RAP1GDS1: variants seen among roughly 807,000 people sequenced by gnomAD.
RAP1GDS1 encodes the protein RAP1, GTP-GDP dissociation stimulator 1.
RAP1GDS1 carries 35 observed loss-of-function variants against 71.1 expected under a neutral mutation model. The ratio of observed to expected loss-of-function variants is 0.49; its 90% confidence interval spans 0.38 to 0.65. The LOEUF (loss-of-function observed/expected upper bound fraction) is 0.65, where lower values mean the gene tolerates loss of function less well. Among genes scored for constraint, RAP1GDS1 ranks in the 30% least tolerant of loss-of-function variants. The pLI is 0.00. For missense variants in RAP1GDS1, 663 were observed against 706.1 expected (o/e 0.94, Z 0.69); for synonymous variants, 229 against 243.1 (o/e 0.94, Z 0.54).
At chr4:98,388,931 CTATTA>C (rs1471013894) in intron 5 of RAP1GDS1, among the ~76,000 whole-genome samples, 1 of 140,864 alleles carries the variant, frequency 7.1e-6, no homozygotes, top group Non-Finnish European at 1.5e-5. Flanking sequence ...AATAAGAAAC[CTATTA>C]TATGTTAACA....
chr4:98,342,180 A>G (rs1196367594), intron 2 of RAP1GDS1, among the ~76,000 whole-genome samples: 1 of 152,156 alleles, frequency 6.6e-6, no homozygotes, highest in African/African-American at 2.4e-5. Flanking sequence ...CTCAAATTAT[A>G]AAAAATGATT....
At chr4:98,403,410 T>C (rs879287090) in intron 6 of RAP1GDS1, among the ~76,000 whole-genome samples, 8 of 152,184 alleles carry the variant, frequency 5.3e-5, no homozygotes, top group Non-Finnish European at 1.0e-4. Context: ...AGTTGAGTGA[T>C]AATAAATGAG....
chr4:98,352,524 T>C lies in RAP1GDS1; in HGVS notation c.284T>C (p.Val95Ala). ...CVDAGLISPLVQLLNSKDQEV... is the reference protein window; with the variant it reads ...CVDAGLISPLAQLLNSKDQEV... Reference sequence around the variant, plus strand: ...GATGCTGGATTGATTTCACCACTGGTGCAGCTGCTAAATAGCAAAGACCAG... The same window carrying C: ...GATGCTGGATTGATTTCACCACTGGCGCAGCTGCTAAATAGCAAAGACCAG... The change falls in exon 4 of 15, where the codon GTG (valine) becomes GCG (alanine). Residue 95 changes from valine (V) to alanine (A), a missense_variant. Val to Ala is a moderately conservative substitution (Grantham distance 64). Transcript: ENST00000408927. The C allele has an allele frequency of 6.2e-7, 1 of 1,614,056 alleles. No homozygotes were observed. The highest frequency in any genetic ancestry group is 8.5e-7 in the Non-Finnish European group (1 of 1,179,922).
chr4:98,334,965 C>A (rs192531862), intron 2 of RAP1GDS1, among the ~76,000 whole-genome samples: 5 of 147,718 alleles, frequency 3.4e-5, no homozygotes. Flanking sequence ...CTTTACATGT[C>A]AGCTTAATAT....
chr4:98,283,035 C>T (rs552829829), intron 1 of RAP1GDS1, among the ~76,000 whole-genome samples: 1 of 152,126 alleles, frequency 6.6e-6, no homozygotes, highest in South Asian at 2.1e-4. Context: ...AAAAAATTGC[C>T]TTTAAAACGG....
chr4:98,293,987 G>T (rs930416412), intron 2 of RAP1GDS1, among the ~76,000 whole-genome samples: 6 of 152,086 alleles, frequency 3.9e-5, no homozygotes, highest in African/African-American at 1.4e-4. Flanking sequence ...TGTATGCATA[G>T]ATAAATTTGG....
At chr4:98,382,594 T>G (rs1578669435) in intron 5 of RAP1GDS1, among the ~76,000 whole-genome samples, 3 of 151,784 alleles carry the variant, frequency 2.0e-5, no homozygotes, top group African/African-American at 7.2e-5. Flanking sequence ...ATTAGTTTGT[T>G]ATCTGTTTCC....
intron 7 of RAP1GDS1, chr4:98,409,222 A>G (rs947845338): frequency 6.6e-6 from 1 of 152,218 alleles, no homozygotes; most frequent in Non-Finnish European, 1.5e-5. Flanking sequence ...AAAACAGAAA[A>G]TAAAATGTGA....
At chr4:98,297,323 G>A (rs534577085) in intron 2 of RAP1GDS1, among the ~76,000 whole-genome samples, 1 of 151,942 alleles carries the variant, frequency 6.6e-6, no homozygotes, top group East Asian at 1.9e-4. Context: ...CTAAGCATAC[G>A]TAATTATAGG....
At chr4:98,415,729 T>C (rs1276115643) in intron 7 of RAP1GDS1, among the ~76,000 whole-genome samples, 2 of 152,200 alleles carry the variant, frequency 1.3e-5, no homozygotes, top group Admixed American at 6.5e-5. Flanking sequence ...ATTCTGTCTC[T>C]AAAATACCTT....
At chr4:98,342,324 A>C (rs1735603885) in intron 2 of RAP1GDS1, among the ~76,000 whole-genome samples, 1 of 152,180 alleles carries the variant, frequency 6.6e-6, no homozygotes, top group African/African-American at 2.4e-5. Context: ...TTTCAATTGA[A>C]TGTTTTAATG....
rs142258122 is a variant in RAP1GDS1, at chr4:98,354,551, T to A, written c.361+1950T>A. Among the ~76,000 whole-genome samples the A allele has an allele frequency of 8.5e-5, 13 of 152,338 alleles. No individual in the cohort carries two copies. The South Asian group carries it at 2.1e-3, about 24-fold the overall frequency. The stretch of plus-strand genomic sequence containing the variant: ...ATGGGCATAGAGTAATTTTATTTCC[T>A]GTGTATTCTAAAGAACCTTGAAGTT... On this transcript the variant is annotated intron_variant, in intron 4 of 14. Coordinates refer to ENST00000408927, the MANE Select transcript of RAP1GDS1 (RefSeq NM_001100427.2).
intron 5 of RAP1GDS1, among the ~76,000 whole-genome samples, chr4:98,381,369 G>A (rs1051694924): frequency 5.9e-5 from 9 of 151,428 alleles, no homozygotes; most frequent in African/African-American, 2.2e-4. Context: ...CTTAATTTGT[G>A]AAGTGATTCT....
In RAP1GDS1 at chr4:98,272,144, AG is replaced by A. The variant is rs576052136; in HGVS notation, c.4+10577del. On this transcript the variant is annotated intron_variant, in intron 1 of 14. Transcript: ENST00000408927. The stretch of plus-strand genomic sequence containing the variant: ...AATATTTCAGGCTTTGTAGGCCATG[AG>A]GCGGAATCAAAGATACTACATATTG... Among the ~76,000 whole-genome samples, 465 of 152,318 alleles carry A rather than the reference AG, an allele frequency of 3.1e-3. 2 individuals carry two copies. The highest frequency in any genetic ancestry group is 5.4e-3 in the Non-Finnish European group (367 of 68,022).
intron 4 of RAP1GDS1, among the ~76,000 whole-genome samples, chr4:98,371,999 T>C (rs1740450485): frequency 6.6e-6 from 1 of 152,190 alleles, no homozygotes; most frequent in African/African-American, 2.4e-5. Context: ...TGGCTTCAAA[T>C]CTACCATCTT....
rs953423404 is a variant in RAP1GDS1, at chr4:98,381,091, A to T, written c.508+1928A>T. Among the ~76,000 whole-genome samples, 5 of 151,780 alleles carry T rather than the reference A, an allele frequency of 3.3e-5. No individual in the cohort carries two copies. In the South Asian group the frequency reaches 1.0e-3, roughly 32 times the overall value. ...CACAGTCTAACTGTATAATATATAT[A>T]TTTTTTGAAGAGTAGGCTTTTTTCT... On this transcript the variant is annotated intron_variant, in intron 5 of 14. Transcript: ENST00000408927.
chr4:98,300,347 C>T (rs552114139), intron 2 of RAP1GDS1, among the ~76,000 whole-genome samples: 1 of 151,694 alleles, frequency 6.6e-6, no homozygotes, highest in African/African-American at 2.4e-5. Context: ...TACATTGTTT[C>T]TTTAGACATA....
intron 6 of RAP1GDS1, among the ~76,000 whole-genome samples, chr4:98,393,478 A>G (rs1419653096): frequency 6.6e-6 from 1 of 152,208 alleles, no homozygotes; most frequent in African/African-American, 2.4e-5. Flanking sequence ...CCGTGATTAA[A>G]ATGGAATGTA....
chr4:98,296,038 C>CAAG (rs1727692776), intron 2 of RAP1GDS1, among the ~76,000 whole-genome samples: 1 of 139,234 alleles, frequency 7.2e-6, no homozygotes, highest in Non-Finnish European at 1.5e-5. Flanking sequence ...TAAACAACAA[C>CAAG]AACAACAACA....
Sources: allele counts gnomAD v4.1 joint callset (sites outside exome capture counted in the v4.1 genomes callset), GRCh38; gene constraint gnomAD v4.1.1; transcripts MANE v1.5; gene names NCBI Gene and HGNC (gene_info 2026-07-23, HGNC 2026-07-21).